The following SLC25A21 variants were observed in gnomAD, a reference collection of about 807,000 sequenced individuals.
SLC25A21 encodes solute carrier family 25 member 21.
Under a neutral mutation model 43.8 loss-of-function variants are expected in SLC25A21, and 47 were observed. That is an observed-to-expected ratio of 1.07 (90% CI 0.85 to 1.37). The LOEUF is 1.37. SLC25A21 is among the 40% of genes most tolerant of loss of function. The pLI, the probability that SLC25A21 is intolerant of heterozygous loss-of-function variation, is 0.00. For synonymous variants in SLC25A21, 131 were observed against 121.3 expected, an observed-to-expected ratio of 1.08 and a Z score of -0.52; for missense variants, 352 against 350.2, an observed-to-expected ratio of 1.00 and a Z score of -0.04.
rs1882126416 is a variant in SLC25A21 at position 36,679,855 on chromosome 14, T to C, written c.*803A>G. ...GACAATATCTCATCAACAAAACTTA[T>C]CTTCAAAGAGAACTATGTGGAGGAA... is the stretch of plus-strand genomic sequence containing the variant. On this transcript the variant is annotated 3_prime_UTR_variant, in exon 10 of 10. Transcript: ENST00000331299. 4.1e-6 allele frequency: 4 copies of C among 983,890 alleles called. No individual in the cohort carries two copies. The highest frequency in any genetic ancestry group is 1.7e-5 in the African/African-American group (1 of 57,216). 60.9% of individuals were successfully genotyped at this position (983,890 alleles called of 1,614,324 possible). A position where few individuals can be genotyped will look rare whatever the true frequency, so the allele number is the denominator to read the frequency against.
At chr14:37,046,704 C>T (rs943329723) in intron 1 of SLC25A21, among the ~76,000 whole-genome samples, 8 of 152,110 alleles carry the variant, frequency 5.3e-5, no homozygotes, top group African/African-American at 1.9e-4. Context: ...TTTCTTAAAC[C>T]CTGTATACAC....
chr14:37,159,044 T>C (rs1963895916), intron 1 of SLC25A21, among the ~76,000 whole-genome samples: 1 of 151,944 alleles, frequency 6.6e-6, no homozygotes, highest in African/African-American at 2.4e-5. Flanking sequence ...AAAAGATCTA[T>C]ACAAGGAAAA....
intron 1 of SLC25A21, among the ~76,000 whole-genome samples, chr14:36,877,647 T>C (rs950618092): frequency 6.6e-6 from 1 of 151,960 alleles, no homozygotes; most frequent in Non-Finnish European, 1.5e-5. Flanking sequence ...GCCCCTGACC[T>C]AGCATGGGAG....
chr14:36,932,955 C>T (rs1456038458), intron 1 of SLC25A21, among the ~76,000 whole-genome samples: 1 of 152,088 alleles, frequency 6.6e-6, no homozygotes, highest in Non-Finnish European at 1.5e-5. Flanking sequence ...ACATTAATTA[C>T]TCTGAGCCTT....
intron 1 of SLC25A21, among the ~76,000 whole-genome samples, chr14:37,005,885 A>G (rs1960592493): frequency 6.6e-6 from 1 of 152,226 alleles, no homozygotes; most frequent in African/African-American, 2.4e-5. Flanking sequence ...TCTTCATAAA[A>G]AATAGAGCCC....
At chr14:37,153,191 T>G (rs1304390085) in intron 1 of SLC25A21, among the ~76,000 whole-genome samples, 2 of 152,128 alleles carry the variant, frequency 1.3e-5, no homozygotes, top group East Asian at 3.8e-4. Context: ...ACAGGGCTGC[T>G]CCAGGGAGGG....
At chr14:37,137,576 C>T (rs923747018) in intron 1 of SLC25A21, among the ~76,000 whole-genome samples, 3 of 152,086 alleles carry the variant, frequency 2.0e-5, no homozygotes, top group African/African-American at 7.2e-5. Context: ...AGAAAACCTC[C>T]GTTAGTAGCT....
chr14:36,768,785 G>C (rs1886506592), intron 3 of SLC25A21, among the ~76,000 whole-genome samples: 1 of 152,044 alleles, frequency 6.6e-6, no homozygotes, highest in East Asian at 1.9e-4. Flanking sequence ...ACAAGACCTG[G>C]TTAAGTACCT....
chr14:37,098,782 C>CAGATAGATAGATAGAT (rs1328490791), intron 1 of SLC25A21, among the ~76,000 whole-genome samples: 59 of 138,076 alleles, frequency 4.3e-4, no homozygotes, highest in African/African-American at 1.7e-3. Flanking sequence ...GACAGACAGA[C>CAGATAGATAGATAGAT]AGACAGATAG....
At chr14:36,857,721 A>G (rs1302300930) in intron 2 of SLC25A21, among the ~76,000 whole-genome samples, 1 of 152,098 alleles carries the variant, frequency 6.6e-6, no homozygotes, top group Non-Finnish European at 1.5e-5. Context: ...GTCAAATATT[A>G]CTCTGCCCAG....
intron 1 of SLC25A21, among the ~76,000 whole-genome samples, chr14:37,086,165 T>C (rs971269246): frequency 6.6e-6 from 1 of 152,168 alleles, no homozygotes; most frequent in Non-Finnish European, 1.5e-5. Context: ...CTGGGGTTTT[T>C]TTTATTATTG....
Position 36,876,396 on chromosome 14 carries a change from A to T in SLC25A21, c.71-1392T>A, listed in dbSNP as rs542899704. Reference sequence around the variant, plus strand: ...TTGGCTACAACTAATAAGATCCAATATGGATGATGTTTGTGCCAAAGGCTT... The same window carrying T: ...TTGGCTACAACTAATAAGATCCAATTTGGATGATGTTTGTGCCAAAGGCTT... On this transcript the variant is annotated intron_variant, in intron 1 of 9. Transcript: ENST00000331299. 2.0e-5 allele frequency among the ~76,000 whole-genome samples: 3 copies of T among 152,286 alleles called. No homozygotes were observed. The East Asian group carries it at 5.8e-4, about 29-fold the overall frequency.
At chr14:36,731,574 A>G (rs2139223479) in intron 4 of SLC25A21, among the ~76,000 whole-genome samples, 1 of 152,356 alleles carries the variant, frequency 6.6e-6, no homozygotes, top group Admixed American at 6.5e-5. Context: ...GGCCTTAAGT[A>G]TATGAGCACT....
chr14:36,885,599 G>A (rs1154131), intron 1 of SLC25A21, among the ~76,000 whole-genome samples: 132,060 of 152,222 alleles, frequency 0.87, 57,554 homozygotes, highest in Non-Finnish European at 0.91. Context: ...TGAACACAGG[G>A]TATCTTTCCA....
intron 1 of SLC25A21, among the ~76,000 whole-genome samples, chr14:37,064,335 AG>A (rs1162417967): frequency 6.6e-6 from 1 of 152,000 alleles, no homozygotes; most frequent in Non-Finnish European, 1.5e-5. Flanking sequence ...CCCATATCCC[AG>A]GGTCTCCAGC....
At chr14:37,029,157 C>CA (rs1566826677) in intron 1 of SLC25A21, among the ~76,000 whole-genome samples, 1 of 152,154 alleles carries the variant, frequency 6.6e-6, no homozygotes, top group African/African-American at 2.4e-5. Flanking sequence ...ACTAGATCAA[C>CA]AATGCACAAT....
At chr14:37,045,263 A>G (rs1301839691) in intron 1 of SLC25A21, among the ~76,000 whole-genome samples, 1 of 152,242 alleles carries the variant, frequency 6.6e-6, no homozygotes, top group East Asian at 1.9e-4. Flanking sequence ...GTGGTGTAAT[A>G]CAGTACAGGT....
intron 1 of SLC25A21, among the ~76,000 whole-genome samples, chr14:36,989,962 C>A (rs1258849208): frequency 6.6e-6 from 1 of 152,134 alleles, no homozygotes; most frequent in Non-Finnish European, 1.5e-5. Context: ...TATCTTAAAC[C>A]TCCTTCATTT....
intron 7 of SLC25A21, among the ~76,000 whole-genome samples, chr14:36,695,287 A>G (rs1882967915): frequency 6.6e-6 from 1 of 152,180 alleles, no homozygotes; most frequent in South Asian, 2.1e-4. Context: ...TTTTGGTACC[A>G]GTACCATGCT....
Sources: allele counts gnomAD v4.1 joint callset (sites outside exome capture counted in the v4.1 genomes callset), GRCh38; gene constraint gnomAD v4.1.1; transcripts MANE v1.5; gene names NCBI Gene and HGNC (gene_info 2026-07-23, HGNC 2026-07-21).